ROBO2: variants seen among roughly 807,000 people sequenced by gnomAD.
ROBO2 encodes the protein roundabout homolog 2.
In ROBO2, 53 loss-of-function variants were observed where a neutral mutation model predicts 160.8. The observed-to-expected ratio is 0.33, with a 90% CI of 0.26 to 0.41. ROBO2 has a LOEUF of 0.41. Among genes scored for constraint, ROBO2 ranks in the 10% least tolerant of loss-of-function variants. ROBO2 has a pLI of 1.00. For synonymous variants in ROBO2, 664 were observed against 611.7 expected, an observed-to-expected ratio of 1.09 and a Z score of -1.26; for missense variants, 1,577 against 1,722.4, an observed-to-expected ratio of 0.92 and a Z score of 1.49.
At chr3:77,112,890 C>A (rs970174262) in intron 2 of ROBO2, among the ~76,000 whole-genome samples, 1 of 152,140 alleles carries the variant, frequency 6.6e-6, no homozygotes, top group African/African-American at 2.4e-5. Context: ...TTTGATATGG[C>A]TTTGCCTTAC....
chr3:76,737,132 T>C (rs914936348), intron 2 of ROBO2, among the ~76,000 whole-genome samples: 2 of 152,202 alleles, frequency 1.3e-5, no homozygotes, highest in African/African-American at 4.8e-5. Flanking sequence ...AGCTTCCAGA[T>C]TGGAAACTAA....
intron 2 of ROBO2, among the ~76,000 whole-genome samples, chr3:76,073,921 G>T (rs534463991): frequency 4.3e-4 from 66 of 152,286 alleles, no homozygotes; most frequent in Admixed American, 1.1e-3. Context: ...TGGTGTCTCT[G>T]TGGGGCCCGT....
At chr3:76,476,707 G>C (rs898495390) in intron 2 of ROBO2, among the ~76,000 whole-genome samples, 3 of 152,192 alleles carry the variant, frequency 2.0e-5, no homozygotes, top group Non-Finnish European at 4.4e-5. Flanking sequence ...TAGCTGGACA[G>C]AGGGCTAACA....
chr3:77,393,295 A>C (rs541513245), intron 2 of ROBO2, among the ~76,000 whole-genome samples: 124 of 152,248 alleles, frequency 8.1e-4, no homozygotes, highest in African/African-American at 2.8e-3. Flanking sequence ...GCTTTTGAAC[A>C]GAAATTTATA....
At chr3:76,120,942 G>A (rs2070727741) in intron 2 of ROBO2, among the ~76,000 whole-genome samples, 2 of 151,998 alleles carry the variant, frequency 1.3e-5, no homozygotes, top group Non-Finnish European at 2.9e-5. Flanking sequence ...ATCCCCTATA[G>A]TATCTACTAG....
chr3:77,097,425 TA>T (rs1242299769), intron 1 of ROBO2, among the ~76,000 whole-genome samples: 1 of 152,192 alleles, frequency 6.6e-6, no homozygotes, highest in East Asian at 1.9e-4. Flanking sequence ...CATACGGATT[TA>T]TACTTGAGCT....
chr3:76,899,881 C>T (rs1352830244), intron 2 of ROBO2, among the ~76,000 whole-genome samples: 1 of 151,976 alleles, frequency 6.6e-6, no homozygotes, highest in Non-Finnish European at 1.5e-5. Flanking sequence ...ATTTTTTAAC[C>T]ATAGGGAATT....
rs377212901 is a variant in ROBO2 at position 76,795,596 on chromosome 3, T to C, written c.110-302418T>C. ...GCAATTCAGTCACATTTTCAGGCTC[T>C]ACTTCCAACTGTAGTTCTCTTGCTA... On this transcript the variant is annotated intron_variant, in intron 2 of 26. Coordinates refer to the ROBO2 transcript ENST00000487694. Among the ~76,000 whole-genome samples the C allele has an allele frequency of 2.0e-5, 3 of 152,122 alleles. No individual in the cohort carries two copies. In the South Asian group the frequency reaches 6.2e-4, roughly 31 times the overall value.
intron 2 of ROBO2, among the ~76,000 whole-genome samples, chr3:76,304,798 CTCTT>C (rs1188728566): frequency 3.5e-5 from 3 of 85,544 alleles, no homozygotes; most frequent in African/African-American, 1.5e-4. Flanking sequence ...TTCTTTCTTT[CTCTT>C]TCTTTTTTTT....
At chr3:76,424,980 C>A (rs1379769768) in intron 2 of ROBO2, among the ~76,000 whole-genome samples, 2 of 152,156 alleles carry the variant, frequency 1.3e-5, no homozygotes, top group Non-Finnish European at 2.9e-5. Context: ...CACACCCAGG[C>A]ATGTCTCTGG....
chr3:77,343,611 A>C (rs376299634), intron 2 of ROBO2, among the ~76,000 whole-genome samples: 2 of 152,094 alleles, frequency 1.3e-5, no homozygotes, highest in East Asian at 3.9e-4. Context: ...CCCTTTAGGA[A>C]CTCCTAGCTG....
intron 2 of ROBO2, among the ~76,000 whole-genome samples, chr3:77,231,089 T>C (rs963332915): frequency 1.3e-5 from 2 of 151,976 alleles, no homozygotes; most frequent in African/African-American, 2.4e-5. Context: ...TCTAGGCCCA[T>C]TGCGGTAGCT....
At chr3:76,564,143 T>C (rs115995692) in intron 2 of ROBO2, among the ~76,000 whole-genome samples, 4,233 of 152,324 alleles carry the variant, frequency 0.028, 80 homozygotes, top group South Asian at 0.051. Context: ...GAGGCGGAAG[T>C]TGCAGTAAGC....
intron 2 of ROBO2, among the ~76,000 whole-genome samples, chr3:76,679,942 T>C (rs1426342522): frequency 1.3e-5 from 2 of 152,154 alleles, no homozygotes; most frequent in South Asian, 4.1e-4. Flanking sequence ...CCAGAGCCAT[T>C]GGGATTAGAG....
chr3:76,128,822 G>A (rs988414155), intron 2 of ROBO2, among the ~76,000 whole-genome samples: 7 of 152,212 alleles, frequency 4.6e-5, no homozygotes, highest in Admixed American at 4.6e-4. Flanking sequence ...TGCCTCAAAT[G>A]TAGATGTATG....
intron 6 of ROBO2, among the ~76,000 whole-genome samples, chr3:77,541,122 A>T (rs1266601152): frequency 1.3e-5 from 2 of 152,246 alleles, no homozygotes; most frequent in African/African-American, 4.8e-5. Flanking sequence ...GCATAAAATT[A>T]TATCCAAAGA....
intron 2 of ROBO2, among the ~76,000 whole-genome samples, chr3:76,711,289 A>G (rs1311795696): frequency 1.3e-5 from 2 of 152,162 alleles, no homozygotes; most frequent in Non-Finnish European, 2.9e-5. Context: ...GAAAGAGCGA[A>G]GGGGGAAGTG....
At chr3:77,031,058 T>G (rs532091442) in intron 2 of ROBO2, among the ~76,000 whole-genome samples, 1 of 152,188 alleles carries the variant, frequency 6.6e-6, no homozygotes, top group African/African-American at 2.4e-5. Flanking sequence ...TATTTCCAGC[T>G]TTCTCCCACC....
chr3:76,622,259 A>G lies in ROBO2; in HGVS notation c.110-475755A>G, dbSNP rs867532572. On this transcript the variant is annotated intron_variant, in intron 2 of 26. Transcript: ENST00000487694. Reference sequence around the variant, plus strand: ...GGAAGAAAGAAAGAAAGAAAGAAAGAAAGAAAGAAAGAAAGAAAGAAAGAA... The same window carrying G: ...GGAAGAAAGAAAGAAAGAAAGAAAGGAAGAAAGAAAGAAAGAAAGAAAGAA... Among the ~76,000 whole-genome samples the G allele has an allele frequency of 2.4e-3, 127 of 52,066 alleles. 1 individual carries two copies. Among genetic ancestry groups the G allele is most frequent in the African/African-American group, 5.1e-3 (67 of 13,220 alleles). 34.2% of individuals were successfully genotyped at this position (52,066 alleles called of 152,430 possible).
Sources: gnomAD v4.1 joint callset for allele counts (sites outside exome capture counted in the v4.1 genomes callset) on GRCh38, gnomAD v4.1.1 for gene constraint, MANE v1.5 for transcripts, NCBI Gene and HGNC (gene_info 2026-07-23, HGNC 2026-07-21) for gene names.